Variants in ST18 observed in about 807,000 individuals in gnomAD.
The protein encoded by ST18 is ST18 C2H2C-type zinc finger transcription factor, also known as suppression of tumorigenicity 18 protein.
Under a neutral mutation model 110.0 loss-of-function variants are expected in ST18, and 50 were observed. That is an observed-to-expected ratio of 0.45 (90% confidence interval 0.36 to 0.58). The LOEUF is 0.58. ST18 is among the 20% of genes least tolerant of loss of function. The probability of loss-of-function intolerance (pLI) is 0.00; values close to 1 mark genes in which losing one functional copy is unlikely to be tolerated. For missense variants in ST18, 1,306 were observed against 1,280.1 expected, an observed-to-expected ratio of 1.02 and a Z score of -0.31; for synonymous variants, 461 against 452.4, an observed-to-expected ratio of 1.02 and a Z score of -0.24.
At chr8:52,192,837 T>C (rs1038022553) in intron 8 of ST18, among the ~76,000 whole-genome samples, 3 of 152,322 alleles carry the variant, frequency 2.0e-5, no homozygotes, top group Non-Finnish European at 4.4e-5. Context: ...AAGAGTCCTA[T>C]TCAACTTTGA....
intron 17 of ST18, 92 bp downstream of exon 17, chr8:52,142,838 C>T (rs77711914): frequency 1.2e-5 from 11 of 940,050 alleles, no homozygotes; most frequent in Admixed American, 4.1e-5. Flanking sequence ...ACCCTAACAT[C>T]AACTGTATAA....
intron 22 of ST18, among the ~76,000 whole-genome samples, chr8:52,130,119 A>AAAAGAAAGAAAGAAAG (rs1207799704): frequency 0.098 from 10,214 of 104,734 alleles, 651 homozygotes; most frequent in Non-Finnish European, 0.11. Context: ...AGAAAGAAAG[A>AAAAGAAAGAAAGAAAG]AAAGAAAGAA....
intron 3 of ST18, among the ~76,000 whole-genome samples, chr8:52,229,235 T>C (rs567997169): frequency 3.4e-4 from 52 of 152,314 alleles, no homozygotes; most frequent in South Asian, 6.2e-4. Context: ...CCATAACAAA[T>C]TTTTACAAAT....
intron 2 of ST18, among the ~76,000 whole-genome samples, chr8:52,354,600 G>C (rs540756512): frequency 1.0e-3 from 156 of 152,280 alleles, no homozygotes; most frequent in African/African-American, 3.6e-3. Context: ...AATAATAGAA[G>C]CATGGATAGA....
chr8:52,251,913 G>A (rs2094327968), intron 2 of ST18, among the ~76,000 whole-genome samples: 1 of 151,844 alleles, frequency 6.6e-6, no homozygotes, highest in Non-Finnish European at 1.5e-5. Context: ...TATTCTTTTT[G>A]CATTTCATAT....
At chr8:52,312,613 A>G (rs980225977) in intron 2 of ST18, among the ~76,000 whole-genome samples, 48 of 152,344 alleles carry the variant, frequency 3.2e-4, no homozygotes, top group African/African-American at 9.9e-4. Context: ...TCAATATAGC[A>G]TAAGTCACAT....
chr8:52,348,680 G>A (rs1457618320), intron 2 of ST18, among the ~76,000 whole-genome samples: 3 of 152,092 alleles, frequency 2.0e-5, no homozygotes, highest in African/African-American at 7.2e-5. Flanking sequence ...GGAGGCAGAG[G>A]TTGCAGTGAG....
At chr8:52,205,460 A>G (rs1308722385) in intron 8 of ST18, among the ~76,000 whole-genome samples, 3 of 152,196 alleles carry the variant, frequency 2.0e-5, no homozygotes, top group East Asian at 3.8e-4. Context: ...AGTCTTTCCT[A>G]GATATTTTAA....
chr8:52,209,785 AAAAAT>A lies in ST18; in HGVS notation c.86+2289_86+2293del, dbSNP rs1237937208. Among the ~76,000 whole-genome samples, 446 of 138,628 alleles carry A rather than the reference AAAAAT, an allele frequency of 3.2e-3. 1 individual carries two copies. Among genetic ancestry groups the A allele is most frequent in the African/African-American group, 0.01 (383 of 36,568 alleles). 90.9% of individuals were successfully genotyped at this position (138,628 alleles called of 152,430 possible). On this transcript the variant is annotated intron_variant, in intron 8 of 25. Transcript: ENST00000689386. ...AACTCCATCTCAAAAAAAAAAAAAA[AAAAAT>A]ATATATATATATATATATATACATG...
chr8:52,385,624 G>C, intron 2 of ST18, among the ~76,000 whole-genome samples: 1 of 147,944 alleles, frequency 6.8e-6, no homozygotes, highest in African/African-American at 2.5e-5. Flanking sequence ...AGACATCACA[G>C]CTTGGATTCC....
intron 2 of ST18, among the ~76,000 whole-genome samples, chr8:52,284,510 G>A (rs1306625590): frequency 6.6e-6 from 1 of 152,132 alleles, no homozygotes; most frequent in Admixed American, 6.5e-5. Context: ...GGCTGTGCAG[G>A]GAAGAACCAG....
chr8:52,116,655 T>C lies in ST18; in HGVS notation c.2860-237A>G, dbSNP rs966048838. On this transcript the variant is annotated intron_variant, in intron 24 of 25. Coordinates refer to ENST00000689386, the MANE Select transcript of ST18 (RefSeq NM_001352837.2). Reference sequence around the variant, plus strand: ...TCATGAATTGTAGAACTTCTCCACATGGCTGTATGATGGATATCTCAAACT... The same window carrying C: ...TCATGAATTGTAGAACTTCTCCACACGGCTGTATGATGGATATCTCAAACT... Among the ~76,000 whole-genome samples, 51 of 152,222 alleles carry C rather than the reference T, an allele frequency of 3.4e-4. 1 individual carries two copies. The highest frequency in any genetic ancestry group is 1.2e-3 in the African/African-American group (48 of 41,462).
chr8:52,376,556 T>C (rs1475166653), intron 2 of ST18, among the ~76,000 whole-genome samples: 6 of 152,262 alleles, frequency 3.9e-5, no homozygotes, highest in African/African-American at 1.4e-4. Flanking sequence ...TTTCCATCTA[T>C]AGTACTCATC....
At chr8:52,194,255 C>T (rs1362139653) in intron 8 of ST18, 1 of 152,050 alleles carries the variant, frequency 6.6e-6, no homozygotes, top group African/African-American at 2.4e-5. Context: ...AGTGGGGTTC[C>T]CCAGCTGCCA....
intron 2 of ST18, chr8:52,403,825 C>T (rs1843584957): frequency 6.6e-6 from 1 of 152,154 alleles, no homozygotes; most frequent in Non-Finnish European, 1.5e-5. Flanking sequence ...TTGTAAGTAA[C>T]TTAAACATCA....
chr8:52,380,473 G>A (rs899463923), intron 2 of ST18, among the ~76,000 whole-genome samples: 5 of 151,974 alleles, frequency 3.3e-5, no homozygotes, highest in Non-Finnish European at 7.4e-5. Context: ...CATGGGAGAC[G>A]GGCACCCCTA....
At chr8:52,151,651 G>A in intron 15 of ST18, among the ~76,000 whole-genome samples, 1 of 152,160 alleles carries the variant, frequency 6.6e-6, no homozygotes, top group East Asian at 1.9e-4. Context: ...TCTGCCAGGA[G>A]CGCATCAAAA....
rs1845734834 is a variant in ST18, at chr8:52,409,621, A to T, written c.-663T>A. ...TTCTCTCTTCATGTGGCCTTATTAA[A>T]AGCCATGGTTTCCGAGATGTAAAAC... On this transcript the variant is annotated 5_prime_UTR_variant, in exon 1 of 26. Coordinates refer to ENST00000689386, the MANE Select transcript of ST18 (RefSeq NM_001352837.2). The T allele has an allele frequency of 6.6e-6, 1 of 152,216 alleles. No homozygotes were observed. The highest frequency in any genetic ancestry group is 2.4e-5 in the African/African-American group (1 of 41,444). 9.4% of individuals were successfully genotyped at this position (152,216 alleles called of 1,614,324 possible). A position where few individuals can be genotyped will look rare whatever the true frequency, so the allele number is the denominator to read the frequency against.
intron 2 of ST18, among the ~76,000 whole-genome samples, chr8:52,374,131 C>A (rs569293365): frequency 2.0e-5 from 3 of 152,174 alleles, no homozygotes; most frequent in Non-Finnish European, 4.4e-5. Context: ...CCAAAATCCA[C>A]GTCTACCAAA....
Sources: gnomAD v4.1 joint callset for allele counts (sites outside exome capture counted in the v4.1 genomes callset) on GRCh38, gnomAD v4.1.1 for gene constraint, MANE v1.5 for transcripts, NCBI Gene and HGNC (gene_info 2026-07-23, HGNC 2026-07-21) for gene names.